Variants in IGFL2 observed in about 807,000 individuals in gnomAD.
IGFL2 encodes IGF like family member 2.
IGFL2 carries 7 observed loss-of-function variants against 13.9 expected under a neutral mutation model. That is an observed-to-expected ratio of 0.51 (90% CI 0.29 to 0.95). IGFL2 has a LOEUF of 0.95. Ranked by LOEUF, IGFL2 falls within the 40% of genes least tolerant of loss-of-function variation. The pLI is 0.08. For missense variants in IGFL2, 138 were observed against 147.8 expected (o/e 0.93, Z 0.34); for synonymous variants, 55 against 55.8 (o/e 0.99, Z 0.07).
At chr19:46,204,572 A>G in the IGFL2 span, among the ~76,000 whole-genome samples, 1 of 152,176 alleles carries the variant, frequency 6.6e-6, no homozygotes, top group Non-Finnish European at 1.5e-5. Flanking sequence ...CCTGTCCTCA[A>G]ACAGCTCTAG....
At chr19:46,114,976 A>G in the IGFL2 span, among the ~76,000 whole-genome samples, 1 of 152,160 alleles carries the variant, frequency 6.6e-6, no homozygotes, top group African/African-American at 2.4e-5. Flanking sequence ...ATGCATACTA[A>G]TATTGAGGAC....
At chr19:46,160,271 G>T (rs1161320738) in intron 1 of IGFL2, 144 bp from the exon 2 acceptor site, 1 of 697,268 alleles carries the variant, frequency 1.4e-6, no homozygotes, top group Admixed American at 2.2e-5. Context: ...GTGTCAGTTA[G>T]ATCCTATGCA....
the IGFL2 span, among the ~76,000 whole-genome samples, chr19:46,133,234 A>G: frequency 1.3e-5 from 2 of 152,146 alleles, no homozygotes; most frequent in African/African-American, 4.8e-5. Flanking sequence ...CGGTGTCACA[A>G]AAATCAACAC....
the IGFL2 span, among the ~76,000 whole-genome samples, chr19:46,107,569 A>T: frequency 2.0e-5 from 3 of 151,702 alleles, no homozygotes. Context: ...TAGGAGTTTC[A>T]AAGTTCTTGT....
chr19:46,131,831 C>G, the IGFL2 span, among the ~76,000 whole-genome samples: 1 of 151,968 alleles, frequency 6.6e-6, no homozygotes. Flanking sequence ...CTCAGCTACT[C>G]GGGAGGCTGA....
At chr19:46,134,071 G>C in the IGFL2 span, among the ~76,000 whole-genome samples, 1 of 152,288 alleles carries the variant, frequency 6.6e-6, no homozygotes, top group South Asian at 2.1e-4. Flanking sequence ...GAGGTATACG[G>C]TATGCAGGTC....
At chr19:46,136,914 T>C in the IGFL2 span, 1 of 902,990 alleles carries the variant, frequency 1.1e-6, no homozygotes, top group Non-Finnish European at 1.9e-6. Context: ...ACACATGTCC[T>C]CTGGGCACAT....
the IGFL2 span, chr19:46,124,717 AAATGG>A: frequency 7.4e-7 from 1 of 1,348,412 alleles, no homozygotes; most frequent in Non-Finnish European, 1.1e-6. Context: ...GAGACAGCCT[AAATGG>A]GGTTGTCTGT....
chr19:46,110,943 C>T, the IGFL2 span: 1 of 151,790 alleles, frequency 6.6e-6, no homozygotes, highest in African/African-American at 2.4e-5. Context: ...TAATGAGGAG[C>T]TTTGTTATTT....
intron 1 of IGFL2, among the ~76,000 whole-genome samples, chr19:46,157,259 A>C (rs1045530440): frequency 2.6e-5 from 4 of 152,190 alleles, no homozygotes; most frequent in Admixed American, 2.6e-4. Flanking sequence ...GAGGGAATTC[A>C]ATTCATTTCA....
chr19:46,112,663 G>T, the IGFL2 span, among the ~76,000 whole-genome samples: 15 of 152,224 alleles, frequency 9.9e-5, no homozygotes, highest in African/African-American at 3.4e-4. Context: ...TTTCAAATAT[G>T]TTAGAGAATA....
the IGFL2 span, among the ~76,000 whole-genome samples, chr19:46,080,373 C>T: frequency 6.6e-6 from 1 of 151,738 alleles, no homozygotes; most frequent in Non-Finnish European, 1.5e-5. Flanking sequence ...TTAGGGAGAT[C>T]CCATCTCTAT....
intron 1 of IGFL2, among the ~76,000 whole-genome samples, chr19:46,154,656 T>C (rs1600921014): frequency 1.3e-5 from 2 of 152,094 alleles, no homozygotes; most frequent in South Asian, 4.2e-4. Flanking sequence ...TCACTGTGCT[T>C]GCCAGGATGG....
chr19:46,113,339 T>A, the IGFL2 span: 1 of 326,686 alleles, frequency 3.1e-6, no homozygotes, highest in Non-Finnish European at 6.0e-6. Flanking sequence ...AGTCAGACTG[T>A]TGTTGGATGT....
chr19:46,188,308 T>A, the IGFL2 span, among the ~76,000 whole-genome samples: 1 of 152,040 alleles, frequency 6.6e-6, no homozygotes, highest in Non-Finnish European at 1.5e-5. Flanking sequence ...AGACACCCAT[T>A]TATTTGTTTT....
chr19:46,082,629 A>AT, the IGFL2 span, among the ~76,000 whole-genome samples: 7,785 of 142,170 alleles, frequency 0.055, 247 homozygotes, highest in African/African-American at 0.063. Flanking sequence ...CTGTGTCTCC[A>AT]TTTTTTTTTT....
the IGFL2 span, chr19:46,197,126 C>G: frequency 8.9e-6 from 2 of 225,690 alleles, no homozygotes; most frequent in African/African-American, 2.3e-5. Context: ...CAATGCCATC[C>G]TGCCCTCGGA....
the IGFL2 span, among the ~76,000 whole-genome samples, chr19:46,119,839 C>T: frequency 1.8e-4 from 27 of 150,680 alleles, 2 homozygotes; most frequent in African/African-American, 5.9e-4. Flanking sequence ...TGCAGGAGCC[C>T]GGGTAGGTGT....
chr19:46,194,887 G>C, the IGFL2 span, among the ~76,000 whole-genome samples: 1 of 55,710 alleles, frequency 1.8e-5, no homozygotes, highest in African/African-American at 7.6e-5. Flanking sequence ...TTTTGGTAGT[G>C]TTTTTTGTTT....
Sources: allele counts gnomAD v4.1 joint callset (sites outside exome capture counted in the v4.1 genomes callset), GRCh38; gene constraint gnomAD v4.1.1; transcripts MANE v1.5; gene names NCBI Gene and HGNC (gene_info 2026-07-23, HGNC 2026-07-21).